SESN1: variants seen among roughly 807,000 people sequenced by gnomAD.
SESN1 encodes sestrin 1.
SESN1 carries 30 observed loss-of-function variants against 59.3 expected under a neutral mutation model. The observed-to-expected ratio is 0.51, with a 90% CI of 0.38 to 0.69. The LOEUF (loss-of-function observed/expected upper bound fraction) is 0.69. Ranked by LOEUF, SESN1 falls within the 30% of genes least tolerant of loss-of-function variation. SESN1 has a pLI of 0.00. For synonymous variants in SESN1, 197 were observed against 219.9 expected (o/e 0.90, Z 0.92); for missense variants, 566 against 673.0 (o/e 0.84, Z 1.76).
rs778830814 is a variant in SESN1 at position 108,992,841 on chromosome 6, A to G, written c.1179T>C (p.Tyr393=). The part of the protein sequence containing the change: ...AVSRHFEDTS[Y]GYKDFSRHGM... ...CATGTCTAGAGAAATCTTTATAGCC[A>G]TAACTAGTATCCTCAAAATGACGAG... is the stretch of plus-strand genomic sequence containing the variant. The change falls in exon 7 of 10, where the codon TAT becomes TAC. Residue 393 remains tyrosine (Y), a synonymous_variant. Transcript: ENST00000436639. 6.2e-6 allele frequency: 10 copies of G among 1,613,722 alleles called. No individual in the cohort carries two copies. In the Admixed American group the frequency reaches 1.2e-4, roughly 19 times the overall value.
At chr6:109,027,210 C>T (rs537561587) in intron 1 of SESN1, among the ~76,000 whole-genome samples, 4 of 152,002 alleles carry the variant, frequency 2.6e-5, no homozygotes, top group South Asian at 4.2e-4. Flanking sequence ...TGGTGGCTCA[C>T]GCCTGTAATC....
intron 1 of SESN1, among the ~76,000 whole-genome samples, chr6:109,007,869 C>G (rs1319525652): frequency 7.1e-6 from 1 of 141,560 alleles, no homozygotes; most frequent in Non-Finnish European, 1.5e-5. Flanking sequence ...ATTTGTAATA[C>G]TTAGGCCATA....
chr6:108,987,777 G>A (rs879138783), intron 9 of SESN1, 147 bp from the exon 10 acceptor site: 1 of 407,054 alleles, frequency 2.5e-6, no homozygotes, highest in Admixed American at 4.3e-5. Flanking sequence ...TTGTTGAACA[G>A]ATTATAAATT....
intron 1 of SESN1, among the ~76,000 whole-genome samples, chr6:109,060,820 A>G (rs931921977): frequency 1.3e-5 from 2 of 152,208 alleles, no homozygotes; most frequent in African/African-American, 4.8e-5. Flanking sequence ...AAGACGAATG[A>G]CCAAGGGAAT....
At chr6:108,989,705 G>A (rs1023985674) in intron 8 of SESN1, among the ~76,000 whole-genome samples, 7 of 152,114 alleles carry the variant, frequency 4.6e-5, no homozygotes, top group African/African-American at 1.7e-4. Context: ...GGGGTCAAAT[G>A]AGAAAAAAGG....
chr6:109,070,312 G>A (rs1780909652), intron 1 of SESN1, among the ~76,000 whole-genome samples: 1 of 152,156 alleles, frequency 6.6e-6, no homozygotes, highest in Admixed American at 6.5e-5. Context: ...ACTTGGAACC[G>A]TAGGAATCTC....
At chr6:109,071,282 A>G (rs902676826) in intron 1 of SESN1, among the ~76,000 whole-genome samples, 1 of 152,070 alleles carries the variant, frequency 6.6e-6, no homozygotes, top group African/African-American at 2.4e-5. Context: ...ATAAATCAAG[A>G]TAAGGATCTA....
At chr6:109,002,604 G>C (rs776178911) in intron 1 of SESN1, among the ~76,000 whole-genome samples, 1 of 152,114 alleles carries the variant, frequency 6.6e-6, no homozygotes, top group African/African-American at 2.4e-5. Flanking sequence ...AGAAAGTCTA[G>C]AACAGAAAGT....
At chr6:109,022,304 T>C (rs910496530) in intron 1 of SESN1, among the ~76,000 whole-genome samples, 9 of 152,114 alleles carry the variant, frequency 5.9e-5, no homozygotes, top group African/African-American at 2.2e-4. Context: ...TAACTCAGAT[T>C]TTTAATCTAA....
intron 1 of SESN1, among the ~76,000 whole-genome samples, chr6:109,040,684 G>A (rs1456573505): frequency 6.8e-6 from 1 of 145,990 alleles, no homozygotes; most frequent in Non-Finnish European, 1.5e-5. Flanking sequence ...AGACAGTCTC[G>A]CTCTGTCGCC....
At chr6:109,089,496 GAGA>G (rs1349942616) in intron 1 of SESN1, among the ~76,000 whole-genome samples, 2 of 152,316 alleles carry the variant, frequency 1.3e-5, no homozygotes, top group African/African-American at 2.4e-5. Flanking sequence ...GTTTAATCTG[GAGA>G]AGAAGACATA....
chr6:109,090,937 T>C lies in SESN1; in HGVS notation c.279+2858A>G, dbSNP rs78642385. Among the ~76,000 whole-genome samples, 1,189 of 151,800 alleles carry C rather than the reference T, an allele frequency of 7.8e-3. 20 individuals carry two copies. The highest frequency in any genetic ancestry group is 0.028 in the African/African-American group (1,142 of 41,406). ...GGTGTGCTCCACTGCACCCAGCTAA[T>C]TTTTTTTTCTTGACTTTTTGTAGAG... On this transcript the variant is annotated intron_variant, in intron 1 of 9. Coordinates refer to ENST00000436639, the MANE Select transcript of SESN1 (RefSeq NM_014454.3).
chr6:109,089,522 C>G (rs1478934113), intron 1 of SESN1, among the ~76,000 whole-genome samples: 1 of 152,138 alleles, frequency 6.6e-6, no homozygotes, highest in Admixed American at 6.5e-5. Context: ...AGTGACAGAA[C>G]TAGAACAGCG....
rs996093068 is a variant in SESN1 at position 109,048,620 on chromosome 6, C to T, written c.279+45175G>A. The stretch of plus-strand genomic sequence containing the variant: ...CACAGGGGATAATATGGTGACAAGC[C>T]TGTGGGTAGATGGCCACAAGTAGGA... On this transcript the variant is annotated intron_variant, in intron 1 of 9. Coordinates refer to ENST00000436639, the MANE Select transcript of SESN1 (RefSeq NM_014454.3). Among the ~76,000 whole-genome samples the T allele has an allele frequency of 6.6e-5, 10 of 152,258 alleles. No individual in the cohort carries two copies. In the Middle Eastern group the frequency reaches 0.01, roughly 155 times the overall value.
Position 108,998,682 on chromosome 6 carries a change from T to G in SESN1, c.803A>C (p.Tyr268Ser). 2 of 1,613,874 alleles carry G rather than the reference T, an allele frequency of 1.2e-6. No homozygotes were observed. Among genetic ancestry groups the G allele is most frequent in the South Asian group, 2.2e-5 (2 of 91,070 alleles). ...LVHAVVLLTHYHSLASFTFGC... is the reference protein window; with the variant it reads ...LVHAVVLLTHSHSLASFTFGC... Reference sequence around the variant, plus strand: ...GAATGTGAATGAGGCAAGAGAATGATAGTGTGTGAGTAAAACTACTGCATG... The same window carrying G: ...GAATGTGAATGAGGCAAGAGAATGAGAGTGTGTGAGTAAAACTACTGCATG... The change falls in exon 5 of 10, where the codon TAT becomes TCT. Residue 268 changes from tyrosine (Y) to serine (S), a missense_variant. Tyr to Ser is a moderately radical substitution (Grantham distance 144, BLOSUM62 -2). Transcript: ENST00000436639.
intron 1 of SESN1, among the ~76,000 whole-genome samples, chr6:109,010,843 C>G (rs1190097358): frequency 6.6e-6 from 1 of 152,186 alleles, no homozygotes; most frequent in African/African-American, 2.4e-5. Flanking sequence ...CAAATGCCCA[C>G]TCAGCCGTAA....
At chr6:108,987,748 G>A in intron 9 of SESN1, 118 bp from the exon 10 acceptor site, 1 of 503,584 alleles carries the variant, frequency 2.0e-6, no homozygotes, top group South Asian at 3.0e-5. Context: ...ATGTAGTACA[G>A]CATAACTTAG....
chr6:109,082,246 G>A (rs2114476424), intron 1 of SESN1, among the ~76,000 whole-genome samples: 1 of 152,210 alleles, frequency 6.6e-6, no homozygotes, highest in South Asian at 2.1e-4. Context: ...CAGTTGGCTG[G>A]AGACTTGGGG....
rs146422737 is a variant in SESN1 at position 109,044,875 on chromosome 6, T to C, written c.280-42532A>G. Among the ~76,000 whole-genome samples, 361 of 152,058 alleles carry C rather than the reference T, an allele frequency of 2.4e-3. 1 individual carries two copies. Among genetic ancestry groups the C allele is most frequent in the African/African-American group, 8.3e-3 (343 of 41,476 alleles). On this transcript the variant is annotated intron_variant, in intron 1 of 9. Transcript: ENST00000436639. The stretch of plus-strand genomic sequence containing the variant: ...CCCATCTCTACTAAAAATACAAAAT[T>C]AGCTGAGCGTGGTGGCGCATGCCTG...
Sources: gnomAD v4.1 joint callset for allele counts (sites outside exome capture counted in the v4.1 genomes callset) on GRCh38, gnomAD v4.1.1 for gene constraint, MANE v1.5 for transcripts, NCBI Gene and HGNC (gene_info 2026-07-23, HGNC 2026-07-21) for gene names.